Variants in SIGLEC9 observed in about 807,000 individuals in gnomAD.
SIGLEC9 encodes sialic acid-binding Ig-like lectin 9.
A neutral mutation model predicts 38.3 loss-of-function variants in SIGLEC9; 26 were observed. The observed-to-expected ratio is 0.68, with a 90% CI of 0.50 to 0.94. The LOEUF (loss-of-function observed/expected upper bound fraction) is 0.94. Ranked by LOEUF, SIGLEC9 falls within the 40% of genes least tolerant of loss-of-function variation. The probability of loss-of-function intolerance (pLI) is 0.00; values close to 1 mark genes in which losing one functional copy is unlikely to be tolerated. For synonymous variants in SIGLEC9, 236 were observed against 248.0 expected, an observed-to-expected ratio of 0.95 and a Z score of 0.45; for missense variants, 556 against 585.7, an observed-to-expected ratio of 0.95 and a Z score of 0.52.
intron 3 of SIGLEC9, 106 bp downstream of exon 3, chr19:51,126,234 T>C (rs2091978631): frequency 4.4e-6 from 5 of 1,137,460 alleles, no homozygotes; most frequent in Non-Finnish European, 6.7e-6. Context: ...AGGGATGTCC[T>C]TGTGGGTGAA....
chr19:51,127,720 T>C (rs948914038), intron 4 of SIGLEC9, among the ~76,000 whole-genome samples: 4 of 151,586 alleles, frequency 2.6e-5, no homozygotes, highest in Non-Finnish European at 4.4e-5. Context: ...AATTCATTAA[T>C]GGATAAAATA....
chr19:51,122,272 G>A (rs532576786), upstream of SIGLEC9, among the ~76,000 whole-genome samples: 1 of 152,236 alleles, frequency 6.6e-6, no homozygotes, highest in African/African-American at 2.4e-5. The surrounding 1 kb of genome is among the most constrained non-coding windows in gnomAD (Gnocchi z 4.1). Flanking sequence ...CGTGGACTCC[G>A]GGATTTGTGT....
At chr19:51,126,815 C>A (rs556961216) in intron 3 of SIGLEC9, among the ~76,000 whole-genome samples, 16 of 152,288 alleles carry the variant, frequency 1.1e-4, no homozygotes, top group African/African-American at 3.1e-4. Flanking sequence ...AATGTAGCTA[C>A]ATTATATGTT....
intron 2 of SIGLEC9, 98 bp downstream of exon 2, chr19:51,125,973 A>G (rs2091976754): frequency 6.3e-7 from 1 of 1,583,718 alleles, no homozygotes; most frequent in Admixed American, 1.7e-5. Context: ...TGGTGGGGTC[A>G]GGAGGACACT....
At position 51,128,513 on chromosome 19, in the gene SIGLEC9, G is replaced by A. The variant is rs751231087; in HGVS notation, c.1203+3G>A. ...CTGTCAGGGGTTCAGCCTCTCAGGT[G>A]AGTGATGTGGACTCTCCACAGCCAG... On this transcript the variant is annotated splice_donor_region_variant and intron_variant, in intron 6 of 6. Transcript: ENST00000250360. 3.7e-6 allele frequency: 6 copies of A among 1,612,998 alleles called. No individual in the cohort carries two copies. Among genetic ancestry groups the A allele is most frequent in the Non-Finnish European group, 5.1e-6 (6 of 1,179,052 alleles).
intron 6 of SIGLEC9, among the ~76,000 whole-genome samples, chr19:51,129,434 C>T (rs2092002540): frequency 6.6e-6 from 1 of 152,072 alleles, no homozygotes; most frequent in Non-Finnish European, 1.5e-5. Flanking sequence ...GCTGGGATTA[C>T]AGGCGTGAGC....
intron 5 of SIGLEC9, 21 bp from the exon 6 acceptor site, chr19:51,128,393 C>T (rs146880418): frequency 7.8e-5 from 125 of 1,612,212 alleles, no homozygotes; most frequent in Non-Finnish European, 9.8e-5. Flanking sequence ...CACTGAAAGG[C>T]TCTCTGGTCT....
Position 51,125,189 on chromosome 19 carries a change from C to G in SIGLEC9, c.215C>G (p.Ala72Gly). 6.2e-7 allele frequency: 1 copy of G among 1,614,078 alleles called. No individual in the cohort carries two copies. The highest frequency in any genetic ancestry group is 8.5e-7 in the Non-Finnish European group (1 of 1,179,998). ...FREGANTDQD[A>G]PVATNNPARA... ...GAAGGGGCCAATACAGACCAGGATG[C>G]TCCAGTGGCCACAAACAACCCAGCT... Residue 72 changes from alanine (A) to glycine (G), a missense_variant, in exon 1 of 7, where the codon GCT becomes GGT. Coordinates refer to ENST00000250360, the MANE Select transcript of SIGLEC9 (RefSeq NM_014441.3).
Position 51,127,022 on chromosome 19 carries a change from T to G in SIGLEC9, c.749-8T>G. 6.2e-7 allele frequency: 1 copy of G among 1,613,452 alleles called. No individual in the cohort carries two copies. The highest frequency in any genetic ancestry group is 8.5e-7 in the Non-Finnish European group (1 of 1,179,402). On this transcript the variant is annotated splice_region_variant and splice_polypyrimidine_tract_variant and intron_variant, in intron 3 of 6. Coordinates refer to ENST00000250360, the MANE Select transcript of SIGLEC9 (RefSeq NM_014441.3). The stretch of plus-strand genomic sequence containing the variant: ...TATCTCTCTGACCCTCTGTCTCTTT[T>G]TCTACAGTATCCACAGTCTTGGGAA...
downstream of SIGLEC9, among the ~76,000 whole-genome samples, chr19:51,131,773 A>G (rs1388075993): frequency 2.7e-5 from 4 of 145,548 alleles, no homozygotes; most frequent in South Asian, 4.5e-4. Context: ...AAAATTAGCC[A>G]GGCGAGGTGG....
upstream of SIGLEC9, among the ~76,000 whole-genome samples, chr19:51,122,131 G>A (rs577677241): frequency 3.9e-5 from 6 of 152,244 alleles, no homozygotes; most frequent in East Asian, 9.7e-4. The surrounding 1 kb of genome is among the most constrained non-coding windows in gnomAD (Gnocchi z 4.1). Flanking sequence ...CTCTTCATCT[G>A]CCAGACTGTT....
chr19:51,129,359 C>T (rs1157690882), intron 6 of SIGLEC9, among the ~76,000 whole-genome samples: 2 of 151,700 alleles, frequency 1.3e-5, no homozygotes, highest in Non-Finnish European at 2.9e-5. Context: ...CGGGGTTTCA[C>T]TGTGTTAGCC....
At chr19:51,126,208 A>G in intron 3 of SIGLEC9, 80 bp downstream of exon 3, 1 of 1,390,960 alleles carries the variant, frequency 7.2e-7, no homozygotes, top group Non-Finnish European at 1.0e-6. Context: ...CTCAACCTGG[A>G]CTCACTTTGG....
downstream of SIGLEC9, among the ~76,000 whole-genome samples, chr19:51,131,255 G>C (rs377055351): frequency 6.6e-6 from 1 of 152,094 alleles, no homozygotes; most frequent in Non-Finnish European, 1.5e-5. Context: ...GCCCATTTAC[G>C]GCAGCATCAA....
downstream of SIGLEC9, among the ~76,000 whole-genome samples, chr19:51,134,707 A>C (rs937380788): frequency 6.6e-6 from 1 of 152,018 alleles, no homozygotes; most frequent in Admixed American, 6.6e-5. Flanking sequence ...CTTTTGTAGG[A>C]ATTTTCGTAT....
exon 7 of SIGLEC9, chr19:51,136,253 A>T: frequency 2.9e-6 from 2 of 688,874 alleles, no homozygotes; most frequent in South Asian, 3.1e-5. Context: ...TTGCTTTTAT[A>T]TTCTCTGATG....
Position 51,126,635 on chromosome 19 carries a change from G to A in SIGLEC9, c.749-395G>A, listed in dbSNP as rs757967667. ...TTTGACGTCCGTAGTGAGACTGTCC[G>A]CACCCTCCTCTAGGGCTGTGTGTGA... On this transcript the variant is annotated intron_variant, in intron 3 of 6. Coordinates refer to ENST00000250360, the MANE Select transcript of SIGLEC9 (RefSeq NM_014441.3). 3.3e-5 allele frequency among the ~76,000 whole-genome samples: 5 copies of A among 152,090 alleles called. 1 individual carries two copies. In the South Asian group the frequency reaches 6.2e-4, roughly 19 times the overall value.
downstream of SIGLEC9, among the ~76,000 whole-genome samples, chr19:51,131,341 A>C (rs1365723806): frequency 6.6e-6 from 1 of 152,172 alleles, no homozygotes; most frequent in Non-Finnish European, 1.5e-5. Context: ...TAATTCCAGC[A>C]CTTTGGGAGG....
intron 6 of SIGLEC9, among the ~76,000 whole-genome samples, chr19:51,129,200 C>T (rs1426040620): frequency 1.4e-5 from 2 of 140,460 alleles, no homozygotes; most frequent in Non-Finnish European, 2.9e-5. Context: ...GCTCTGTCGC[C>T]CAGGCTGGAG....
Sources: allele counts gnomAD v4.1 joint callset (sites outside exome capture counted in the v4.1 genomes callset), GRCh38; gene constraint gnomAD v4.1.1; non-coding constraint Gnocchi (gnomAD v3.1); transcripts MANE v1.5; gene names NCBI Gene and HGNC (gene_info 2026-07-23, HGNC 2026-07-21).